The following CUX2 variants were observed in gnomAD, a reference collection of about 807,000 sequenced individuals.
CUX2 encodes the protein cut like homeobox 2.
Under a neutral mutation model 144.8 loss-of-function variants are expected in CUX2, and 40 were observed. The ratio of observed to expected loss-of-function variants is 0.28; its 90% confidence interval spans 0.21 to 0.36. The LOEUF is 0.36. CUX2 is among the 10% of genes least tolerant of loss of function. CUX2 has a pLI of 1.00. For missense variants in CUX2, 1,615 were observed against 1,994.0 expected (o/e 0.81, Z 3.62); for synonymous variants, 827 against 875.6 (o/e 0.94, Z 0.98).
At chr12:111,316,037 A>C (rs774508453) in intron 16 of CUX2, among the ~76,000 whole-genome samples, 21 of 151,962 alleles carry the variant, frequency 1.4e-4, no homozygotes, top group Non-Finnish European at 1.3e-4. Context: ...TTTCATTTTG[A>C]TCTTGACTTT....
intron 3 of CUX2, among the ~76,000 whole-genome samples, chr12:111,251,807 C>T (rs1883573861): frequency 6.6e-6 from 1 of 152,060 alleles, no homozygotes; most frequent in Non-Finnish European, 1.5e-5. Flanking sequence ...TCATTAAAAT[C>T]CCAGCGGTGG....
chr12:111,206,159 G>C (rs548776276), intron 1 of CUX2, among the ~76,000 whole-genome samples: 1 of 152,280 alleles, frequency 6.6e-6, no homozygotes, highest in South Asian at 2.1e-4. Flanking sequence ...AACATAGCAA[G>C]GCCCTGTCTT....
At chr12:111,082,987 C>T (rs761642370) in intron 1 of CUX2, among the ~76,000 whole-genome samples, 15 of 152,084 alleles carry the variant, frequency 9.9e-5, no homozygotes, top group Non-Finnish European at 1.8e-4. Flanking sequence ...CACAGTTTCT[C>T]GACTCCACAC....
At chr12:111,198,466 C>T (rs1032472177) in intron 1 of CUX2, among the ~76,000 whole-genome samples, 4 of 138,478 alleles carry the variant, frequency 2.9e-5, no homozygotes, top group Non-Finnish European at 6.0e-5. Context: ...CAGAGTGAGA[C>T]CCTGTCTCAA....
intron 1 of CUX2, among the ~76,000 whole-genome samples, chr12:111,120,405 C>T (rs1415811648): frequency 6.6e-6 from 1 of 152,138 alleles, no homozygotes; most frequent in Non-Finnish European, 1.5e-5. Context: ...ACGTCTCCTT[C>T]CCCTTAAAAC....
At chr12:111,052,535 A>G (rs1870325547) in intron 1 of CUX2, among the ~76,000 whole-genome samples, 1 of 152,018 alleles carries the variant, frequency 6.6e-6, no homozygotes, top group Admixed American at 6.6e-5. Flanking sequence ...TTGTGGGTAC[A>G]TATCTTTGAG....
chr12:111,104,212 G>C (rs1873446958), intron 1 of CUX2, among the ~76,000 whole-genome samples: 1 of 152,118 alleles, frequency 6.6e-6, no homozygotes. Context: ...GTTCATGTTA[G>C]GTAGACTAGG....
chr12:111,210,008 C>T (rs1030053905), intron 1 of CUX2, among the ~76,000 whole-genome samples: 1 of 152,182 alleles, frequency 6.6e-6, no homozygotes, highest in African/African-American at 2.4e-5. Flanking sequence ...GGGCCTGGCC[C>T]AAAGTCTGGG....
At chr12:111,090,277 C>T (rs1482450999) in intron 1 of CUX2, among the ~76,000 whole-genome samples, 4 of 152,308 alleles carry the variant, frequency 2.6e-5, no homozygotes, top group East Asian at 3.9e-4. Flanking sequence ...AATCCCTTTA[C>T]CTCTTTTTTG....
intron 3 of CUX2, among the ~76,000 whole-genome samples, chr12:111,253,184 G>T (rs529607836): frequency 2.6e-5 from 4 of 152,190 alleles, no homozygotes; most frequent in African/African-American, 9.6e-5. Flanking sequence ...GATGGGTCCT[G>T]TTAAAACGCG....
At position 111,248,727 on chromosome 12, in the gene CUX2, A is replaced by G. The variant is rs978878879; in HGVS notation, c.223-15034A>G. Among the ~76,000 whole-genome samples, 3 of 152,288 alleles carry G rather than the reference A, an allele frequency of 2.0e-5. No homozygotes were observed. In the East Asian group the frequency reaches 5.8e-4, roughly 29 times the overall value. ...TACGGGGAGCCAAATGCAGACCCTCAGCCTGTCCCAACAGACGGCTGACAC... is the reference window on the plus strand; with the variant it reads ...TACGGGGAGCCAAATGCAGACCCTCGGCCTGTCCCAACAGACGGCTGACAC... On this transcript the variant is annotated intron_variant, in intron 3 of 21. Transcript: ENST00000261726.
intron 21 of CUX2, 44 bp downstream of exon 21, chr12:111,342,097 G>A: frequency 6.4e-7 from 1 of 1,566,602 alleles, no homozygotes; most frequent in Admixed American, 1.8e-5. Context: ...GCAGAATCCA[G>A]GTGGGACCCC....
intron 1 of CUX2, among the ~76,000 whole-genome samples, chr12:111,188,703 G>C (rs1342032198): frequency 6.6e-6 from 1 of 152,138 alleles, no homozygotes; most frequent in Non-Finnish European, 1.5e-5. Flanking sequence ...TGGCCCTGGG[G>C]AGCATTTGGT....
At chr12:111,121,682 ATAG>A (rs1360786174) in intron 1 of CUX2, among the ~76,000 whole-genome samples, 1 of 151,902 alleles carries the variant, frequency 6.6e-6, no homozygotes, top group African/African-American at 2.4e-5. Context: ...TTTTCTATAA[ATAG>A]TACTTTACCC....
chr12:111,127,970 C>T (rs1296495047), intron 1 of CUX2, among the ~76,000 whole-genome samples: 2 of 152,186 alleles, frequency 1.3e-5, no homozygotes, highest in Non-Finnish European at 2.9e-5. Context: ...CTGCCCATGA[C>T]ATGTGGGGAT....
At chr12:111,175,919 T>A (rs1878824831) in intron 1 of CUX2, among the ~76,000 whole-genome samples, 1 of 151,802 alleles carries the variant, frequency 6.6e-6, no homozygotes, top group South Asian at 2.1e-4. Flanking sequence ...TGGGTCCAGA[T>A]CTCCTACCTC....
chr12:111,203,048 G>A (rs1183632960), intron 1 of CUX2, among the ~76,000 whole-genome samples: 1 of 151,894 alleles, frequency 6.6e-6, no homozygotes, highest in African/African-American at 2.4e-5. Context: ...ACTGGCCAAT[G>A]TGGTGAAACC....
chr12:111,265,543 A>G (rs759993844), intron 4 of CUX2, among the ~76,000 whole-genome samples: 1 of 151,752 alleles, frequency 6.6e-6, no homozygotes, highest in African/African-American at 2.4e-5. Flanking sequence ...GGGTTGCCCT[A>G]TGTTGGCCAG....
intron 4 of CUX2, among the ~76,000 whole-genome samples, chr12:111,279,324 C>T (rs1158354367): frequency 6.6e-6 from 1 of 152,184 alleles, no homozygotes; most frequent in Non-Finnish European, 1.5e-5. Context: ...GGCAGTTCCT[C>T]GGTCCTGCCT....
Sources: gnomAD v4.1 joint callset for allele counts (sites outside exome capture counted in the v4.1 genomes callset) on GRCh38, gnomAD v4.1.1 for gene constraint, MANE v1.5 for transcripts, NCBI Gene and HGNC (gene_info 2026-07-23, HGNC 2026-07-21) for gene names.